ITGA4: variants seen among roughly 807,000 people sequenced by gnomAD.
The protein encoded by ITGA4 is integrin alpha-4.
A neutral mutation model predicts 133.6 loss-of-function variants in ITGA4; 63 were observed. The ratio of observed to expected loss-of-function variants is 0.47; its 90% CI spans 0.38 to 0.58. The LOEUF (loss-of-function observed/expected upper bound fraction) is 0.58, where lower values mean the gene tolerates loss of function less well. ITGA4 is among the 20% of genes least tolerant of loss of function. ITGA4 has a pLI of 0.00. For missense variants in ITGA4, 1,076 were observed against 1,252.7 expected (o/e 0.86, Z 2.13); for synonymous variants, 483 against 438.0 (o/e 1.10, Z -1.28).
chr2:181,520,116 T>C (rs551404014), intron 17 of ITGA4, among the ~76,000 whole-genome samples: 4 of 152,138 alleles, frequency 2.6e-5, no homozygotes, highest in African/African-American at 9.6e-5. Context: ...CCGTGTGCTT[T>C]GAGAGAGGGA....
At position 181,536,559 on chromosome 2, in the gene ITGA4, G is replaced by A. The variant is rs1687102508; in HGVS notation, c.*1032G>A. ...TTTGTTACCCTTTACAAGTATAAGT[G>A]TTACCTTACATGGAAACGAAGAAAC... On this transcript the variant is annotated 3_prime_UTR_variant, in exon 28 of 28. Transcript: ENST00000397033. 1 of 170,750 alleles carries A rather than the reference G, an allele frequency of 5.9e-6. No homozygotes were observed. Among genetic ancestry groups the A allele is most frequent in the Non-Finnish European group, 1.3e-5 (1 of 79,568 alleles). 10.6% of individuals were successfully genotyped at this position (170,750 alleles called of 1,614,324 possible). A position where few individuals can be genotyped will look rare whatever the true frequency, so the allele number is the denominator to read the frequency against.
At chr2:181,466,840 C>A (rs983937756) in intron 2 of ITGA4, among the ~76,000 whole-genome samples, 2 of 152,102 alleles carry the variant, frequency 1.3e-5, no homozygotes, top group African/African-American at 4.8e-5. Context: ...TCTGCTGGCT[C>A]AGTTCAAAGC....
intron 15 of ITGA4, among the ~76,000 whole-genome samples, chr2:181,502,448 CA>C (rs1218481864): frequency 1.3e-5 from 2 of 151,942 alleles, no homozygotes; most frequent in Non-Finnish European, 2.9e-5. Flanking sequence ...ATATATGTGA[CA>C]GGGGAGAAGA....
intron 19 of ITGA4, 55 bp from the exon 20 acceptor site, chr2:181,524,116 T>C: frequency 2.5e-6 from 3 of 1,183,450 alleles, no homozygotes; most frequent in East Asian, 2.5e-5. Context: ...ATTCAGATTA[T>C]AAAAAATGTA....
intron 2 of ITGA4, among the ~76,000 whole-genome samples, chr2:181,472,081 T>C (rs1237381182): frequency 6.6e-6 from 1 of 152,170 alleles, no homozygotes; most frequent in Non-Finnish European, 1.5e-5. Flanking sequence ...TAGTTTGTGG[T>C]GTGTGTAAAC....
At chr2:181,469,547 C>T (rs1392863086) in intron 2 of ITGA4, among the ~76,000 whole-genome samples, 4 of 152,108 alleles carry the variant, frequency 2.6e-5, no homozygotes, top group Admixed American at 2.0e-4. Context: ...ACCATTTGAC[C>T]CAGCCATCCC....
At chr2:181,488,620 A>G (rs925784585) in intron 10 of ITGA4, among the ~76,000 whole-genome samples, 8 of 151,322 alleles carry the variant, frequency 5.3e-5, no homozygotes, top group Admixed American at 3.3e-4. Flanking sequence ...GTGCAGTGGC[A>G]TGATCTGGGC....
rs1443207934 is a variant in ITGA4 at position 181,474,967 on chromosome 2, T to A, written c.327T>A (p.Pro109=). The A allele has an allele frequency of 6.2e-7, 1 of 1,612,726 alleles. No individual in the cohort carries two copies. Among genetic ancestry groups the A allele is most frequent in the Non-Finnish European group, 8.5e-7 (1 of 1,178,744 alleles). Residue 109 remains proline, a synonymous_variant, in exon 3 of 28, where the codon CCT becomes CCA. Coordinates refer to ENST00000397033, the MANE Select transcript of ITGA4 (RefSeq NM_000885.6). The part of the protein sequence containing the change: ...QTCEQLQLGS[P]NGEPCGKTCL... ...TATTTTCACATGCTATAGGTAGCCCTAATGGAGAACCTTGTGGAAAGACTT... is the reference window on the plus strand; with the variant it reads ...TATTTTCACATGCTATAGGTAGCCCAAATGGAGAACCTTGTGGAAAGACTT...
Position 181,535,718 on chromosome 2 carries a change from GTAA to G in ITGA4, c.*197_*199del. 1 of 552,358 alleles carries G rather than the reference GTAA, an allele frequency of 1.8e-6. No homozygotes were observed. Among genetic ancestry groups the G allele is most frequent in the Non-Finnish European group, 2.9e-6 (1 of 342,924 alleles). The allele number at this position is 552,358 out of a possible 1,614,324, so 34.2% of individuals were successfully genotyped here. ...TCTTTGAGATAGAAGAACTGCAAAG[GTAA>G]TAATACAGCCAAAGATAATCTCTCA... is the stretch of plus-strand genomic sequence containing the variant. On this transcript the variant is annotated 3_prime_UTR_variant, in exon 28 of 28. Transcript: ENST00000397033.
chr2:181,494,124 C>T (rs1221880668), intron 11 of ITGA4, among the ~76,000 whole-genome samples: 4 of 152,098 alleles, frequency 2.6e-5, no homozygotes, highest in Non-Finnish European at 5.9e-5. Flanking sequence ...ATTTATAAAC[C>T]TGTATGTGAA....
chr2:181,457,675 C>G lies in ITGA4; in HGVS notation c.21C>G (p.Arg7=), dbSNP rs781015298. 5.6e-6 allele frequency: 9 copies of G among 1,610,614 alleles called. No homozygotes were observed. Among genetic ancestry groups the G allele is most frequent in the Non-Finnish European group, 7.6e-6 (9 of 1,179,366 alleles). The stretch of plus-strand genomic sequence containing the variant: ...AGCGCATGGCTTGGGAAGCGAGGCG[C>G]GAACCCGGCCCCCGAAGGGCCGCCG... The part of the protein sequence containing the change: MAWEAR[R]EPGPRRAAVR... Residue 7 remains arginine (R), a synonymous_variant, in exon 1 of 28, where the codon CGC becomes CGG. Coordinates refer to ENST00000397033, the MANE Select transcript of ITGA4 (RefSeq NM_000885.6).
At chr2:181,498,446 G>C in intron 14 of ITGA4, 177 bp from the exon 15 acceptor site, 1 of 372,702 alleles carries the variant, frequency 2.7e-6, no homozygotes, top group Non-Finnish European at 4.8e-6. Context: ...TTTAAAATTT[G>C]TATTTTTAAT....
chr2:181,499,175 C>T (rs1363618435), intron 15 of ITGA4, among the ~76,000 whole-genome samples: 7 of 152,020 alleles, frequency 4.6e-5, no homozygotes, highest in East Asian at 1.9e-4. Flanking sequence ...GTTTTTCATA[C>T]GACTCCAGCG....
chr2:181,457,376 C>G (rs558480414), upstream of ITGA4: 7 of 392,732 alleles, frequency 1.8e-5, no homozygotes, highest in Admixed American at 4.7e-5. Flanking sequence ...CCCAGCGGCC[C>G]GTACCCGGAG....
At chr2:181,500,575 A>G (rs1470980942) in intron 15 of ITGA4, among the ~76,000 whole-genome samples, 2 of 152,144 alleles carry the variant, frequency 1.3e-5, no homozygotes, top group South Asian at 4.1e-4. Flanking sequence ...CCATGGTACC[A>G]GGAGTGGGAA....
chr2:181,537,893 A>ACTGAGTTCCTCCCCCTGTCAGAT lies in ITGA4; in HGVS notation c.*2368_*2390dup. The ACTGAGTTCCTCCCCCTGTCAGAT allele has an allele frequency of 1.8e-6, 1 of 554,954 alleles. No individual in the cohort carries two copies. The highest frequency in any genetic ancestry group is 3.4e-6 in the Non-Finnish European group (1 of 291,770). 34.4% of individuals were successfully genotyped at this position (554,954 alleles called of 1,614,324 possible). On this transcript the variant is annotated 3_prime_UTR_variant, in exon 28 of 28. Transcript: ENST00000397033. The stretch of plus-strand genomic sequence containing the variant: ...CAGGAGGTTAGAGCAATGGAGCATT[A>ACTGAGTTCCTCCCCCTGTCAGAT]CTGAGTTCCTCCCCCTGTCAGATCA...
chr2:181,526,318 C>T (rs1686829419), intron 21 of ITGA4, among the ~76,000 whole-genome samples: 1 of 152,096 alleles, frequency 6.6e-6, no homozygotes, highest in African/African-American at 2.4e-5. Context: ...GTATGTTCAC[C>T]TGTTAAACTG....
rs756318605 is a variant in ITGA4, at chr2:181,522,247, A to G, written c.1979A>G (p.Asn660Ser). The change falls in exon 18 of 28, where the codon AAT becomes AGT. Residue 660 changes from asparagine (N) to serine (S), a missense_variant. Physicochemically the swap from Asn to Ser is conservative, Grantham distance 46. Transcript: ENST00000397033. ...AVGSMKTLML[N>S]VSLFNAGDDA... ...GGGAGTATGAAGACATTGATGTTGAATGTGTCCTTGTTTAATGCTGGAGAT... is the reference window on the plus strand; with the variant it reads ...GGGAGTATGAAGACATTGATGTTGAGTGTGTCCTTGTTTAATGCTGGAGAT... The G allele has an allele frequency of 4.2e-6, 6 of 1,415,420 alleles. No homozygotes were observed. In the East Asian group the frequency reaches 1.4e-4, roughly 33 times the overall value. 87.7% of individuals were successfully genotyped at this position (1,415,420 alleles called of 1,614,324 possible).
chr2:181,492,474 A>G (rs1438323631), intron 10 of ITGA4, among the ~76,000 whole-genome samples: 2 of 152,214 alleles, frequency 1.3e-5, no homozygotes, highest in African/African-American at 4.8e-5. Context: ...GGTTTCTATT[A>G]AATAAACCAT....
Sources: allele counts gnomAD v4.1 joint callset (sites outside exome capture counted in the v4.1 genomes callset), GRCh38; gene constraint gnomAD v4.1.1; transcripts MANE v1.5; gene names NCBI Gene and HGNC (gene_info 2026-07-23, HGNC 2026-07-21).